The following XXYLT1 variants were observed in gnomAD, a reference collection of about 807,000 sequenced individuals.
XXYLT1 encodes the protein UDP-xylose:alpha-xyloside alpha-1,3-xylosyltransferase.
In XXYLT1, 20 loss-of-function variants were observed where a neutral mutation model predicts 28.9. The observed-to-expected ratio is 0.69, with a 90% CI of 0.49 to 1.00. The LOEUF (loss-of-function observed/expected upper bound fraction) is 1.00. XXYLT1 is among the 50% of genes least tolerant of loss of function. XXYLT1 has a pLI of 0.00. For missense variants in XXYLT1, 542 were observed against 560.1 expected, an observed-to-expected ratio of 0.97 and a Z score of 0.33; for synonymous variants, 257 against 253.8, an observed-to-expected ratio of 1.01 and a Z score of -0.12.
intron 2 of XXYLT1, among the ~76,000 whole-genome samples, chr3:195,200,706 G>A (rs1272708929): frequency 1.6e-4 from 24 of 152,172 alleles, no homozygotes; most frequent in Admixed American, 1.4e-3. Context: ...AAATTAGGCG[G>A]GAAGAAGTGC....
chr3:195,129,812 A>G lies in XXYLT1; in HGVS notation c.785+26637T>C, dbSNP rs1163161963. Reference sequence around the variant, plus strand: ...TGTTAGTGTGTGGGCGCATGTTTTCAGTTCTCTCGGGTCTCTGTACACCTA... The same window carrying G: ...TGTTAGTGTGTGGGCGCATGTTTTCGGTTCTCTCGGGTCTCTGTACACCTA... On this transcript the variant is annotated intron_variant, in intron 3 of 3. Transcript: ENST00000310380. The surrounding 1 kb of genome is among the most constrained non-coding windows in gnomAD (Gnocchi z 4.4). 3.9e-5 allele frequency among the ~76,000 whole-genome samples: 6 copies of G among 152,040 alleles called. No individual in the cohort carries two copies. Among genetic ancestry groups the G allele is most frequent in the Admixed American group, 3.9e-4 (6 of 15,262 alleles).
chr3:195,169,026 T>C (rs1721265090), intron 2 of XXYLT1, among the ~76,000 whole-genome samples: 2 of 152,236 alleles, frequency 1.3e-5, no homozygotes, highest in South Asian at 4.1e-4. Flanking sequence ...TTACTATCCC[T>C]GACAGTTCCG....
intron 2 of XXYLT1, among the ~76,000 whole-genome samples, chr3:195,223,447 C>T (rs945044648): frequency 1.3e-5 from 2 of 152,176 alleles, no homozygotes; most frequent in Non-Finnish European, 2.9e-5. Context: ...TCCACCCATA[C>T]TCCACTCTCA....
chr3:195,243,015 G>C (rs570503744), intron 1 of XXYLT1, among the ~76,000 whole-genome samples: 3 of 152,138 alleles, frequency 2.0e-5, no homozygotes, highest in Admixed American at 2.0e-4. Context: ...ATACACCATG[G>C]AATACTATGC....
At chr3:195,148,244 A>G (rs1420388129) in intron 3 of XXYLT1, 2 of 152,268 alleles carry the variant, frequency 1.3e-5, no homozygotes, top group Non-Finnish European at 2.9e-5. Flanking sequence ...ACCACAGGGC[A>G]GGTACATCCC....
intron 2 of XXYLT1, among the ~76,000 whole-genome samples, chr3:195,221,521 A>G (rs1723821923): frequency 6.6e-6 from 1 of 152,270 alleles, no homozygotes; most frequent in African/African-American, 2.4e-5. Flanking sequence ...ATGACAGGAG[A>G]GTCTCCTGGG....
rs1319202526 is a variant in XXYLT1, at chr3:195,255,882, C to T, written c.504+14673G>A. ...CTGCAGCTAAATGAGGGAGGTGGGG[C>T]TCCAACATCTCAGCCTGTAAATCCC... On this transcript the variant is annotated intron_variant, in intron 1 of 3. Coordinates refer to ENST00000310380, the MANE Select transcript of XXYLT1 (RefSeq NM_152531.5). This position sits in a 1 kb window ranked among gnomAD's most constrained non-coding sequence, Gnocchi z 4.5. Among the ~76,000 whole-genome samples, 1 of 152,126 alleles carries T rather than the reference C, an allele frequency of 6.6e-6. No individual in the cohort carries two copies. The highest frequency in any genetic ancestry group is 1.5e-5 in the Non-Finnish European group (1 of 67,986).
chr3:195,196,968 G>A lies in XXYLT1; in HGVS notation c.652+29741C>T, dbSNP rs576400253. ...TAGTATATCCTTTTTAAAACCCGGT[G>A]TTGTCAATTACCTCACAGCATAACC... On this transcript the variant is annotated intron_variant, in intron 2 of 3. Coordinates refer to ENST00000310380, the MANE Select transcript of XXYLT1 (RefSeq NM_152531.5). Among the ~76,000 whole-genome samples the A allele has an allele frequency of 2.6e-5, 4 of 152,212 alleles. No individual in the cohort carries two copies. In the East Asian group the frequency reaches 5.8e-4, roughly 22 times the overall value.
chr3:195,224,321 T>C (rs1301410321), intron 2 of XXYLT1, among the ~76,000 whole-genome samples: 1 of 152,214 alleles, frequency 6.6e-6, no homozygotes, highest in African/African-American at 2.4e-5. Context: ...GGGACACCAA[T>C]GATGCGTCCA....
chr3:195,121,744 G>T (rs543370760), intron 3 of XXYLT1, among the ~76,000 whole-genome samples: 17 of 152,290 alleles, frequency 1.1e-4, no homozygotes, highest in South Asian at 6.2e-4. Flanking sequence ...CACTCGCCAG[G>T]TCGGGGACTC....
chr3:195,093,324 T>C (rs1170481224), intron 3 of XXYLT1, among the ~76,000 whole-genome samples: 1 of 101,434 alleles, frequency 9.9e-6, no homozygotes. Context: ...ATGTGGCACA[T>C]ATACACCATG....
chr3:195,249,187 C>T (rs1381780406), intron 1 of XXYLT1, among the ~76,000 whole-genome samples: 1 of 152,162 alleles, frequency 6.6e-6, no homozygotes, highest in African/African-American at 2.4e-5. Flanking sequence ...GAGTTCAACA[C>T]GCTGATTTCC....
At chr3:195,071,119 C>A (rs2108634814) in intron 3 of XXYLT1, among the ~76,000 whole-genome samples, 1 of 152,300 alleles carries the variant, frequency 6.6e-6, no homozygotes, top group East Asian at 1.9e-4. Context: ...CGTCCAAGCC[C>A]ACACCCACAG....
At chr3:195,222,411 C>T (rs1205070897) in intron 2 of XXYLT1, among the ~76,000 whole-genome samples, 1 of 152,194 alleles carries the variant, frequency 6.6e-6, no homozygotes, top group African/African-American at 2.4e-5. Context: ...TAGAACTGTA[C>T]AGACACCAGT....
intron 3 of XXYLT1, among the ~76,000 whole-genome samples, chr3:195,085,455 TC>T (rs991756617): frequency 2.6e-5 from 4 of 152,104 alleles, no homozygotes; most frequent in African/African-American, 9.7e-5. Flanking sequence ...GGAGCCTCCA[TC>T]CCCATGTCTA....
chr3:195,134,022 G>A (rs1046379403), intron 3 of XXYLT1, among the ~76,000 whole-genome samples: 1 of 151,996 alleles, frequency 6.6e-6, no homozygotes, highest in South Asian at 2.1e-4. Context: ...GACCAACCTC[G>A]GCAATATAGT....
At chr3:195,165,337 G>A (rs1259595859) in intron 2 of XXYLT1, among the ~76,000 whole-genome samples, 3 of 152,034 alleles carry the variant, frequency 2.0e-5, no homozygotes, top group Admixed American at 6.6e-5. Context: ...CAAGAGAGGC[G>A]CAAACTCCTG....
At chr3:195,108,833 C>T (rs1717291118) in intron 3 of XXYLT1, among the ~76,000 whole-genome samples, 2 of 152,210 alleles carry the variant, frequency 1.3e-5, no homozygotes, top group South Asian at 4.1e-4. Context: ...GACTATAACT[C>T]AATTTCACTC....
intron 1 of XXYLT1, among the ~76,000 whole-genome samples, chr3:195,266,360 C>A (rs1577212570): frequency 1.3e-5 from 2 of 151,798 alleles, no homozygotes; most frequent in Non-Finnish European, 2.9e-5. Context: ...CTGGGTGTGG[C>A]GGTGGGTGCC....
Sources: allele counts gnomAD v4.1 joint callset (sites outside exome capture counted in the v4.1 genomes callset), GRCh38; gene constraint gnomAD v4.1.1; non-coding constraint Gnocchi (gnomAD v3.1); transcripts MANE v1.5; gene names NCBI Gene and HGNC (gene_info 2026-07-23, HGNC 2026-07-21).